The following STRN3 variants were observed in gnomAD, a reference collection of about 807,000 sequenced individuals.
STRN3 encodes striatin-3.
In STRN3, 29 loss-of-function variants were observed where a neutral mutation model predicts 95.6. The observed-to-expected ratio is 0.30, with a 90% CI of 0.23 to 0.41. STRN3 has a LOEUF of 0.41. Among genes scored for constraint, STRN3 ranks in the 10% least tolerant of loss-of-function variants. The pLI is 1.00. For missense variants in STRN3, 890 were observed against 972.1 expected (o/e 0.92, Z 1.12); for synonymous variants, 331 against 357.6 (o/e 0.93, Z 0.84).
At chr14:30,913,689 G>GA (rs1896664047) in intron 9 of STRN3, 32 bp from the exon 10 acceptor site, 1 of 1,609,006 alleles carries the variant, frequency 6.2e-7, no homozygotes, top group Admixed American at 1.7e-5. Flanking sequence ...CTTAAATGCT[G>GA]AAAAATCATA....
In STRN3 at chr14:30,965,768, CAAAA is replaced by C. The variant is rs57644568; in HGVS notation, c.283-9530_283-9527del. Among the ~76,000 whole-genome samples the C allele has an allele frequency of 5.0e-3, 518 of 103,770 alleles. 2 individuals carry two copies. Among genetic ancestry groups the C allele is most frequent in the African/African-American group, 0.016 (443 of 27,034 alleles). The allele number at this position is 103,770 out of a possible 152,430, so 68.1% of individuals were successfully genotyped here. The stretch of plus-strand genomic sequence containing the variant: ...GGGTGACAAAAGTGAAACTCCATCT[CAAAA>C]AAAAAAAAAAAAAAAAACAACAAAC... On this transcript the variant is annotated intron_variant, in intron 1 of 17. Transcript: ENST00000357479.
At chr14:30,911,019 AC>A in intron 13 of STRN3, 21 bp downstream of exon 13, 1 of 1,608,104 alleles carries the variant, frequency 6.2e-7, no homozygotes. Context: ...TAAAAAAAAT[AC>A]ATTTTGATCA....
intron 1 of STRN3, among the ~76,000 whole-genome samples, chr14:30,994,592 C>CA (rs1882112910): frequency 6.6e-6 from 1 of 151,848 alleles, no homozygotes; most frequent in Non-Finnish European, 1.5e-5. Flanking sequence ...AATATAAACA[C>CA]AAAACCAAAT....
At chr14:30,971,137 T>C (rs1048848095) in intron 1 of STRN3, among the ~76,000 whole-genome samples, 5 of 152,254 alleles carry the variant, frequency 3.3e-5, no homozygotes, top group Admixed American at 3.3e-4. Context: ...CTTAAGAATT[T>C]AAGAGCTTAT....
At chr14:30,962,547 T>A (rs1019835493) in intron 1 of STRN3, among the ~76,000 whole-genome samples, 1 of 152,172 alleles carries the variant, frequency 6.6e-6, no homozygotes. Context: ...ATCTTTCTTT[T>A]TTCTGAGACA....
chr14:30,897,442 G>A (rs1385953578), intron 16 of STRN3, among the ~76,000 whole-genome samples: 1 of 152,080 alleles, frequency 6.6e-6, no homozygotes, highest in African/African-American at 2.4e-5. Flanking sequence ...AAAATTAGCT[G>A]GGTGTGGTGG....
intron 8 of STRN3, among the ~76,000 whole-genome samples, chr14:30,927,342 A>G (rs1878233450): frequency 1.3e-5 from 2 of 151,988 alleles, no homozygotes; most frequent in African/African-American, 2.4e-5. Context: ...TCTGTTTCTA[A>G]TATTTCTTAA....
At chr14:30,921,069 T>TACACAC (rs367677158) in intron 8 of STRN3, among the ~76,000 whole-genome samples, 5,907 of 119,830 alleles carry the variant, frequency 0.049, 151 homozygotes, top group Middle Eastern at 0.072. Context: ...TACACATACA[T>TACACAC]ATACACACAC....
intron 8 of STRN3, among the ~76,000 whole-genome samples, chr14:30,922,263 A>G (rs1408575935): frequency 6.6e-6 from 1 of 152,090 alleles, no homozygotes; most frequent in African/African-American, 2.4e-5. Context: ...CCTGGGGTCA[A>G]GCAATCCTCT....
chr14:30,910,848 C>A (rs1377073572), intron 13 of STRN3, among the ~76,000 whole-genome samples, 193 bp downstream of exon 13: 1 of 152,018 alleles, frequency 6.6e-6, no homozygotes, highest in Non-Finnish European at 1.5e-5. Flanking sequence ...GAGAAAGTAT[C>A]AATTCATAGG....
chr14:30,972,933 G>A (rs1880906384), intron 1 of STRN3, among the ~76,000 whole-genome samples: 1 of 152,212 alleles, frequency 6.6e-6, no homozygotes, highest in Admixed American at 6.5e-5. Context: ...AGATTAGGCC[G>A]GGTGCGGGCT....
At chr14:31,021,503 A>G (rs1234458617) in intron 1 of STRN3, among the ~76,000 whole-genome samples, 2 of 152,238 alleles carry the variant, frequency 1.3e-5, no homozygotes, top group African/African-American at 4.8e-5. Flanking sequence ...CAATTAGGAA[A>G]GAGTAAATAA....
chr14:30,950,762 T>C, intron 4 of STRN3, 101 bp downstream of exon 4: 1 of 1,115,134 alleles, frequency 9.0e-7, no homozygotes. Flanking sequence ...ACAAAAAACA[T>C]ACACATTGTC....
chr14:30,979,024 A>G lies in STRN3; in HGVS notation c.283-22782T>C, dbSNP rs150862196. On this transcript the variant is annotated intron_variant, in intron 1 of 17. Transcript: ENST00000357479. Reference sequence around the variant, plus strand: ...ACTCCAGCCTGGGCAACAGTGTGAGACTCCATCTCAAAAAAAAAAAAAAAA... The same window carrying G: ...ACTCCAGCCTGGGCAACAGTGTGAGGCTCCATCTCAAAAAAAAAAAAAAAA... Among the ~76,000 whole-genome samples, 360 of 93,948 alleles carry G rather than the reference A, an allele frequency of 3.8e-3. 4 individuals are homozygous for G. Among genetic ancestry groups the G allele is most frequent in the African/African-American group, 0.015 (342 of 22,844 alleles). 61.6% of individuals were successfully genotyped at this position (93,948 alleles called of 152,430 possible). A position where few individuals can be genotyped will look rare whatever the true frequency, so the allele number is the denominator to read the frequency against.
In STRN3 at chr14:30,895,320, G is replaced by T; in HGVS notation, c.*91C>A. The T allele has an allele frequency of 1.5e-6, 2 of 1,328,738 alleles. No homozygotes were observed. Among genetic ancestry groups the T allele is most frequent in the Non-Finnish European group, 2.0e-6 (2 of 991,222 alleles). 82.3% of individuals were successfully genotyped at this position (1,328,738 alleles called of 1,614,324 possible). A position where few individuals can be genotyped will look rare whatever the true frequency, so the allele number is the denominator to read the frequency against. On this transcript the variant is annotated 3_prime_UTR_variant, in exon 18 of 18. Transcript: ENST00000357479. ...ATAGCCTTCACCAGGCAGATCACAT[G>T]TAGTGTCATATCAGTAACCTTTCTG...
chr14:30,909,603 G>A (rs1242556566), intron 13 of STRN3, among the ~76,000 whole-genome samples: 2 of 152,128 alleles, frequency 1.3e-5, no homozygotes, highest in Non-Finnish European at 1.5e-5. Context: ...TCAGCCTCCC[G>A]AGTGTCTGGG....
At chr14:30,912,266 G>A (rs1214020448) in intron 10 of STRN3, 84 bp from the exon 11 acceptor site, 1 of 1,291,346 alleles carries the variant, frequency 7.7e-7, no homozygotes, top group African/African-American at 1.5e-5. Flanking sequence ...TTTTTGGTGT[G>A]TTTAACACAT....
intron 1 of STRN3, among the ~76,000 whole-genome samples, chr14:30,974,486 C>T (rs1041113786): frequency 1.3e-5 from 2 of 151,558 alleles, no homozygotes; most frequent in Non-Finnish European, 2.9e-5. Context: ...TGTCAATACC[C>T]AAAGCAATCC....
chr14:30,906,537 G>A (rs954998747), intron 14 of STRN3, among the ~76,000 whole-genome samples: 4 of 152,178 alleles, frequency 2.6e-5, no homozygotes, highest in African/African-American at 4.8e-5. Context: ...AGGTATGCTT[G>A]AGACTGTGAT....
Sources: allele counts gnomAD v4.1 joint callset (sites outside exome capture counted in the v4.1 genomes callset), GRCh38; gene constraint gnomAD v4.1.1; transcripts MANE v1.5; gene names NCBI Gene and HGNC (gene_info 2026-07-23, HGNC 2026-07-21).